LAIR1: variants seen among roughly 807,000 people sequenced by gnomAD.
LAIR1 encodes the protein leukocyte associated immunoglobulin like receptor 1.
In LAIR1, 24 loss-of-function variants were observed where a neutral mutation model predicts 32.8. The ratio of observed to expected loss-of-function variants is 0.73; its 90% CI spans 0.53 to 1.03. LAIR1 has a LOEUF of 1.03. Ranked by LOEUF, LAIR1 falls within the 50% of genes least tolerant of loss-of-function variation. LAIR1 has a pLI of 0.00. For synonymous variants in LAIR1, 150 were observed against 140.5 expected, an observed-to-expected ratio of 1.07 and a Z score of -0.48; for missense variants, 355 against 347.5, an observed-to-expected ratio of 1.02 and a Z score of -0.17.
chr19:54,373,214 G>A (rs567727675), upstream of LAIR1, among the ~76,000 whole-genome samples: 557 of 150,512 alleles, frequency 3.7e-3, 8 homozygotes, highest in South Asian at 0.011. Flanking sequence ...AGGCCAAGGC[G>A]GGCAGATCAC....
chr19:54,360,595 T>C (rs546397273), intron 3 of LAIR1: 41 of 475,592 alleles, frequency 8.6e-5, no homozygotes, highest in Admixed American at 1.8e-4. Flanking sequence ...ACACTCATCC[T>C]CTTGTAGGGG....
chr19:54,356,111 T>C, intron 8 of LAIR1, 105 bp from the exon 9 acceptor site: 1 of 1,306,266 alleles, frequency 7.7e-7, no homozygotes. Flanking sequence ...ACCCAATGTA[T>C]AATACGACCT....
At chr19:54,361,294 G>A in intron 2 of LAIR1, 85 bp from the exon 3 acceptor site, 3 of 1,454,266 alleles carry the variant, frequency 2.1e-6, no homozygotes, top group Non-Finnish European at 2.9e-6. Flanking sequence ...ACAATTCAGG[G>A]ATTTTAGCAA....
At chr19:54,374,191 G>A (rs1427332007), upstream of LAIR1, among the ~76,000 whole-genome samples, 1 of 152,120 alleles carries the variant, frequency 6.6e-6, no homozygotes, top group Non-Finnish European at 1.5e-5. Context: ...GGAGCATGAT[G>A]TTGTGACACC....
In LAIR1 at chr19:54,364,731, C is replaced by T. The variant is rs202165854; in HGVS notation, c.34+40G>A. ...TGAGCAGGGAATTTTCCAGACCTCCCGACCCCCTTTCCAGCCTCCCGGCTG... is the reference window on the plus strand; with the variant it reads ...TGAGCAGGGAATTTTCCAGACCTCCTGACCCCCTTTCCAGCCTCCCGGCTG... On this transcript the variant is annotated intron_variant, in intron 1 of 9. Transcript: ENST00000391742. The surrounding 1 kb of genome is among the most constrained non-coding windows in gnomAD (Gnocchi z 4.8). The T allele has an allele frequency of 1.9e-5, 29 of 1,559,580 alleles. No homozygotes were observed. The highest frequency in any genetic ancestry group is 6.7e-5 in the East Asian group (3 of 44,610).
At chr19:54,363,573 G>A (rs2082122380) in intron 2 of LAIR1, among the ~76,000 whole-genome samples, 1 of 152,240 alleles carries the variant, frequency 6.6e-6, no homozygotes, top group Admixed American at 6.5e-5. Context: ...ATGAATGGAT[G>A]AGGAGAATGT....
At chr19:54,362,673 C>T (rs750976987) in intron 2 of LAIR1, among the ~76,000 whole-genome samples, 1 of 152,186 alleles carries the variant, frequency 6.6e-6, no homozygotes, top group Non-Finnish European at 1.5e-5. Context: ...TTAGTAGAGA[C>T]GGGGTTTCCC....
At chr19:54,365,201 G>C (rs2082214742), upstream of LAIR1, 1 of 341,310 alleles carries the variant, frequency 2.9e-6, no homozygotes, top group Non-Finnish European at 4.5e-6. Flanking sequence ...TACAAAACTA[G>C]AAGCTGACAT....
upstream of LAIR1, among the ~76,000 whole-genome samples, chr19:54,366,003 G>A (rs374873470): frequency 1.3e-5 from 2 of 152,296 alleles, no homozygotes; most frequent in East Asian, 1.9e-4. Flanking sequence ...AGGACATCAC[G>A]CCAAGCGACG....
At chr19:54,356,791 G>T in intron 5 of LAIR1, 137 bp downstream of exon 5, 1 of 1,227,854 alleles carries the variant, frequency 8.1e-7, no homozygotes, top group Non-Finnish European at 1.2e-6. Flanking sequence ...CCGGGGTCCT[G>T]AGTGCTGGAG....
chr19:54,364,468 C>A lies in LAIR1; in HGVS notation c.35-138G>T. ...AGCCAACCCTCCTCGACATCACTGT[C>A]TCCATGTAATCCTTCTTGCTGCAAA... is the stretch of plus-strand genomic sequence containing the variant. On this transcript the variant is annotated intron_variant, in intron 1 of 9. Transcript: ENST00000391742. This position sits in a 1 kb window ranked among gnomAD's most constrained non-coding sequence, Gnocchi z 4.8. 1 of 826,660 alleles carries A rather than the reference C, an allele frequency of 1.2e-6. No individual in the cohort carries two copies. The highest frequency in any genetic ancestry group is 2.7e-5 in the East Asian group (1 of 37,656). The allele number at this position is 826,660 out of a possible 1,614,324, so 51.2% of individuals were successfully genotyped here.
chr19:54,355,419 G>C lies in LAIR1; in HGVS notation c.718-5C>G, dbSNP rs1205618144. 1.3e-6 allele frequency: 2 copies of C among 1,598,312 alleles called. No individual in the cohort carries two copies. Among genetic ancestry groups the C allele is most frequent in the Admixed American group, 3.4e-5 (2 of 58,570 alleles). On this transcript the variant is annotated splice_region_variant and splice_polypyrimidine_tract_variant and intron_variant, in intron 9 of 9. Coordinates refer to ENST00000391742, the MANE Select transcript of LAIR1 (RefSeq NM_002287.6). The surrounding 1 kb of genome is among the most constrained non-coding windows in gnomAD (Gnocchi z 4.7). Reference sequence around the variant, plus strand: ...GGAACTCCCTGCAGCCAGGGCCTAAGAGGGAGAGACCCAGGGTGAGGGAGT... The same window carrying C: ...GGAACTCCCTGCAGCCAGGGCCTAACAGGGAGAGACCCAGGGTGAGGGAGT...
chr19:54,369,319 T>C (rs2082346643), upstream of LAIR1, among the ~76,000 whole-genome samples: 2 of 151,276 alleles, frequency 1.3e-5, no homozygotes, highest in Non-Finnish European at 1.5e-5. Flanking sequence ...TGATTAATAT[T>C]CCCCTAGTAT....
At chr19:54,359,648 G>A (rs1195538440) in intron 4 of LAIR1, among the ~76,000 whole-genome samples, 1 of 152,260 alleles carries the variant, frequency 6.6e-6, no homozygotes, top group Non-Finnish European at 1.5e-5. Flanking sequence ...GGAAGTCTGG[G>A]GTGGGGCTGC....
intron 1 of LAIR1, chr19:54,370,232 C>A (rs1266215081): frequency 2.2e-6 from 3 of 1,356,508 alleles, no homozygotes; most frequent in South Asian, 1.3e-5. Flanking sequence ...AAAAAAGCAA[C>A]CTGAGGGTGG....
chr19:54,360,904 T>G lies in LAIR1; in HGVS notation c.364+12A>C. Reference sequence around the variant, plus strand: ...AGCTGAGACTGGGGCAGGGCCCAGGTGACGTCCTCACCTTTCACCAGCAGC... The same window carrying G: ...AGCTGAGACTGGGGCAGGGCCCAGGGGACGTCCTCACCTTTCACCAGCAGC... On this transcript the variant is annotated intron_variant, in intron 3 of 9. Coordinates refer to ENST00000391742, the MANE Select transcript of LAIR1 (RefSeq NM_002287.6). 1.2e-6 allele frequency: 2 copies of G among 1,606,346 alleles called. No homozygotes were observed. Among genetic ancestry groups the G allele is most frequent in the Non-Finnish European group, 1.7e-6 (2 of 1,175,148 alleles).
chr19:54,358,417 T>G (rs1440292634), intron 4 of LAIR1: 1 of 308,764 alleles, frequency 3.2e-6, no homozygotes, highest in African/African-American at 2.3e-5. Flanking sequence ...TATATTATGA[T>G]GTAAACATAT....
chr19:54,369,204 T>C (rs11084332), upstream of LAIR1, among the ~76,000 whole-genome samples: 48,572 of 151,016 alleles, frequency 0.32, 9,321 homozygotes, highest in Middle Eastern at 0.46. Flanking sequence ...ATCTTTCCAC[T>C]AACGTTCTTT....
chr19:54,363,414 G>A (rs1190102139), intron 2 of LAIR1, among the ~76,000 whole-genome samples: 1 of 152,054 alleles, frequency 6.6e-6, no homozygotes, highest in East Asian at 1.9e-4. Context: ...CTCGTCTGGG[G>A]AAAAGTGCCG....
Sources: gnomAD v4.1 joint callset for allele counts (sites outside exome capture counted in the v4.1 genomes callset) on GRCh38, gnomAD v4.1.1 for gene constraint, Gnocchi (gnomAD v3.1) non-coding constraint, MANE v1.5 for transcripts, NCBI Gene and HGNC (gene_info 2026-07-23, HGNC 2026-07-21) for gene names.